The following CLHC1 variants were observed in gnomAD, a reference collection of about 807,000 sequenced individuals.
The protein encoded by CLHC1 is clathrin heavy chain linker domain containing 1, also known as clathrin heavy chain linker domain-containing protein 1.
A neutral mutation model predicts 69.5 loss-of-function variants in CLHC1; 72 were observed. The observed-to-expected ratio is 1.04, with a 90% confidence interval of 0.86 to 1.26. CLHC1 has a LOEUF of 1.26. CLHC1 is among the 50% of genes most tolerant of loss of function. The pLI is 0.00. For synonymous variants in CLHC1, 223 were observed against 224.3 expected (o/e 0.99, Z 0.05); for missense variants, 790 against 679.3 (o/e 1.16, Z -1.81).
chr2:55,207,344 T>C (rs1672550407), intron 8 of CLHC1, among the ~76,000 whole-genome samples: 1 of 152,194 alleles, frequency 6.6e-6, no homozygotes, highest in South Asian at 2.1e-4. Context: ...TTACACAGTG[T>C]TGCAAATGAA....
intron 2 of CLHC1, among the ~76,000 whole-genome samples, chr2:55,226,252 G>T (rs1233567115): frequency 1.3e-5 from 2 of 151,790 alleles, no homozygotes; most frequent in African/African-American, 2.4e-5. Context: ...ACTGAAGTTG[G>T]ATACAGAAGT....
At chr2:55,223,393 C>G (rs1436539690) in intron 2 of CLHC1, among the ~76,000 whole-genome samples, 1 of 152,160 alleles carries the variant, frequency 6.6e-6, no homozygotes, top group African/African-American at 2.4e-5. Context: ...CCGCATTATG[C>G]CGCTTTCAGT....
chr2:55,210,830 T>C (rs542791179), intron 5 of CLHC1, among the ~76,000 whole-genome samples: 73 of 152,252 alleles, frequency 4.8e-4, no homozygotes, highest in African/African-American at 1.7e-3. Context: ...TCTCTCTTTC[T>C]CTTCAAATGC....
At chr2:55,182,575 C>T (rs965093069) in intron 9 of CLHC1, among the ~76,000 whole-genome samples, 3 of 152,094 alleles carry the variant, frequency 2.0e-5, no homozygotes, top group Admixed American at 2.0e-4. Context: ...TTTAATTCTC[C>T]TCCTCAAAGT....
At chr2:55,223,533 C>T (rs1674376832) in intron 2 of CLHC1, among the ~76,000 whole-genome samples, 1 of 152,132 alleles carries the variant, frequency 6.6e-6, no homozygotes, top group African/African-American at 2.4e-5. Flanking sequence ...CTCCGAGCGC[C>T]AAGGGTCGGC....
At chr2:55,183,266 CCT>C (rs1435791726) in intron 9 of CLHC1, among the ~76,000 whole-genome samples, 1 of 151,940 alleles carries the variant, frequency 6.6e-6, no homozygotes, top group Non-Finnish European at 1.5e-5. Flanking sequence ...CTTTTGGGTA[CCT>C]AAAAATAAAA....
In CLHC1 at chr2:55,212,815, C is replaced by G. The variant is rs1673143375; in HGVS notation, c.366-9G>C. The G allele has an allele frequency of 6.3e-7, 1 of 1,595,370 alleles. No homozygotes were observed. The highest frequency in any genetic ancestry group is 1.3e-5 in the African/African-American group (1 of 74,614). On this transcript the variant is annotated splice_polypyrimidine_tract_variant and intron_variant, in intron 4 of 12. Coordinates refer to ENST00000401408, the MANE Select transcript of CLHC1 (RefSeq NM_152385.4). The stretch of plus-strand genomic sequence containing the variant: ...TTTCGATAATCCTCATTCTGGAAAA[C>G]AGAAAGGCTTTCTTATGTCTTTCAA...
intron 4 of CLHC1, among the ~76,000 whole-genome samples, chr2:55,216,843 T>C (rs112939629): frequency 3.9e-5 from 6 of 152,014 alleles, no homozygotes; most frequent in Non-Finnish European, 7.4e-5. Flanking sequence ...TGATACAAAA[T>C]GTGCTTTCAA....
At chr2:55,230,046 T>A (rs1225390070) in intron 1 of CLHC1, among the ~76,000 whole-genome samples, 1 of 152,154 alleles carries the variant, frequency 6.6e-6, no homozygotes, top group Non-Finnish European at 1.5e-5. Flanking sequence ...CACTCCAGCC[T>A]GGGCAACAAC....
chr2:55,226,545 C>T (rs1368602073), intron 2 of CLHC1, among the ~76,000 whole-genome samples: 4 of 152,084 alleles, frequency 2.6e-5, no homozygotes, highest in African/African-American at 7.2e-5. Context: ...GTTGTTAAAT[C>T]GTTTTTTAAA....
At chr2:55,227,881 C>G (rs1220595727) in intron 2 of CLHC1, among the ~76,000 whole-genome samples, 151 bp downstream of exon 2, 2 of 152,006 alleles carry the variant, frequency 1.3e-5, no homozygotes, top group South Asian at 2.1e-4. Flanking sequence ...CTCTTCATGT[C>G]CCTGTCCTTT....
At chr2:55,221,470 T>A (rs182928373) in intron 3 of CLHC1, among the ~76,000 whole-genome samples, 49 of 152,326 alleles carry the variant, frequency 3.2e-4, no homozygotes, top group Non-Finnish European at 5.6e-4. Flanking sequence ...GACTAGATAA[T>A]TCTAGATAGA....
At chr2:55,199,309 A>T (rs61218130) in intron 9 of CLHC1, among the ~76,000 whole-genome samples, 1 of 130,418 alleles carries the variant, frequency 7.7e-6, no homozygotes, top group African/African-American at 2.7e-5. Flanking sequence ...AAAAAAAAAA[A>T]AAAAAAAAAA....
intron 9 of CLHC1, among the ~76,000 whole-genome samples, chr2:55,191,448 C>A (rs1262559403): frequency 1.3e-5 from 2 of 152,080 alleles, no homozygotes; most frequent in Non-Finnish European, 2.9e-5. Flanking sequence ...GTTGGCCAGG[C>A]TGGTCTCGAA....
At position 55,209,396 on chromosome 2, in the gene CLHC1, T is replaced by A; in HGVS notation, c.814+8A>T. 1.3e-6 allele frequency: 2 copies of A among 1,528,978 alleles called. No homozygotes were observed. Among genetic ancestry groups the A allele is most frequent in the Non-Finnish European group, 8.9e-7 (1 of 1,117,694 alleles). The allele number at this position is 1,528,978 out of a possible 1,614,324, so 94.7% of individuals were successfully genotyped here. ...ATTGGTACTAATTTAAAAATATAGATAATCTACCTTGTAAATATTTGGTTT... is the reference window on the plus strand; with the variant it reads ...ATTGGTACTAATTTAAAAATATAGAAAATCTACCTTGTAAATATTTGGTTT... On this transcript the variant is annotated splice_region_variant and intron_variant, in intron 7 of 12. Coordinates refer to ENST00000401408, the MANE Select transcript of CLHC1 (RefSeq NM_152385.4).
chr2:55,177,738 T>G lies in CLHC1; in HGVS notation c.1428A>C (p.Leu476Phe), dbSNP rs1418456743. 2.5e-6 allele frequency: 4 copies of G among 1,612,434 alleles called. No homozygotes were observed. The highest frequency in any genetic ancestry group is 3.4e-6 in the Non-Finnish European group (4 of 1,179,286). Residue 476 changes from leucine to phenylalanine, a missense_variant, in exon 12 of 13, where the codon TTA becomes TTC. Coordinates refer to ENST00000401408, the MANE Select transcript of CLHC1 (RefSeq NM_152385.4). ...TCAACTCTTTAGTGAGACACTGAAT[T>G]AATTCAACTTGGGGACATGACATTA... ...QLLMSCPQVELIQCLTKELNE... is the reference protein window; with the variant it reads ...QLLMSCPQVEFIQCLTKELNE...
chr2:55,186,427 C>CATACAATATATA (rs1670419314), intron 9 of CLHC1, among the ~76,000 whole-genome samples: 2 of 152,112 alleles, frequency 1.3e-5, no homozygotes, highest in African/African-American at 2.4e-5. Flanking sequence ...TACTTCAGAA[C>CATACAATATATA]TACAAACAAC....
chr2:55,210,129 G>A (rs779289562), intron 5 of CLHC1, among the ~76,000 whole-genome samples: 1 of 151,988 alleles, frequency 6.6e-6, no homozygotes. Flanking sequence ...CAAAGTGCTG[G>A]GATTACAGGC....
intron 6 of CLHC1, 26 bp downstream of exon 6, chr2:55,209,604 T>C (rs375918154): frequency 1.0e-5 from 16 of 1,606,044 alleles, no homozygotes; most frequent in Non-Finnish European, 1.4e-5. Context: ...CTCCAAACTT[T>C]AAAAACATAT....
Sources: allele counts gnomAD v4.1 joint callset (sites outside exome capture counted in the v4.1 genomes callset), GRCh38; gene constraint gnomAD v4.1.1; transcripts MANE v1.5; gene names NCBI Gene and HGNC (gene_info 2026-07-23, HGNC 2026-07-21).